Variants in EPRS1 observed in about 807,000 individuals in gnomAD.
EPRS1 encodes the protein bifunctional glutamate/proline--tRNA ligase.
EPRS1 carries 107 observed loss-of-function variants against 188.3 expected under a neutral mutation model. The observed-to-expected ratio is 0.57, with a 90% CI of 0.49 to 0.67. The LOEUF is 0.67. Ranked by LOEUF, EPRS1 falls within the 30% of genes least tolerant of loss-of-function variation. The probability of loss-of-function intolerance (pLI) is 0.00; values close to 1 mark genes in which losing one functional copy is unlikely to be tolerated. For missense variants in EPRS1, 1,577 were observed against 1,802.2 expected (o/e 0.88, Z 2.26); for synonymous variants, 596 against 593.1 (o/e 1.00, Z -0.07).
At chr1:220,040,296 A>G in intron 1 of EPRS1, 27 bp from the exon 2 acceptor site, 1 of 1,446,676 alleles carries the variant, frequency 6.9e-7, no homozygotes, top group Non-Finnish European at 9.6e-7. Flanking sequence ...AAGATTTTTT[A>G]TCTTTAAAAG....
chr1:220,024,463 T>C lies in EPRS1; in HGVS notation c.751-7A>G, dbSNP rs1367688184. ...CAACATCTTCCAAGATAACCTGTAG[T>C]AAGAAACCAAAATAACCATCAGTAT... On this transcript the variant is annotated splice_region_variant and splice_polypyrimidine_tract_variant and intron_variant, in intron 7 of 31. Coordinates refer to ENST00000366923, the MANE Select transcript of EPRS1 (RefSeq NM_004446.3). The C allele has an allele frequency of 6.3e-7, 1 of 1,584,586 alleles. No individual in the cohort carries two copies. The highest frequency in any genetic ancestry group is 8.6e-7 in the Non-Finnish European group (1 of 1,167,774).
At chr1:220,018,857 A>G (rs1438963297) in intron 11 of EPRS1, 138 bp downstream of exon 11, 4 of 545,070 alleles carry the variant, frequency 7.3e-6, no homozygotes, top group Non-Finnish European at 1.2e-5. Context: ...TTTTAAAAAA[A>G]AAAAAAAAAT....
At chr1:219,977,958 GA>G (rs1273363528) in intron 28 of EPRS1, among the ~76,000 whole-genome samples, 2 of 151,920 alleles carry the variant, frequency 1.3e-5, no homozygotes, top group Non-Finnish European at 2.9e-5. Flanking sequence ...TTCAGCATAA[GA>G]AAAAAATGTT....
rs377762162 is a variant in EPRS1, at chr1:220,015,690, T to C, written c.1494+2759A>G. On this transcript the variant is annotated intron_variant, in intron 12 of 31. Transcript: ENST00000366923. Reference sequence around the variant, plus strand: ...TTTCAGACTAAAAACACAGGTCAGATACAAGGTTTCAAAATTTTCTTCATC... The same window carrying C: ...TTTCAGACTAAAAACACAGGTCAGACACAAGGTTTCAAAATTTTCTTCATC... Among the ~76,000 whole-genome samples, 110 of 152,042 alleles carry C rather than the reference T, an allele frequency of 7.2e-4. 3 individuals are homozygous for C. In the South Asian group the frequency reaches 0.023, roughly 31 times the overall value.
At chr1:219,988,568 A>G in intron 19 of EPRS1, 22 bp downstream of exon 19, 1 of 1,516,996 alleles carries the variant, frequency 6.6e-7, no homozygotes, top group Non-Finnish European at 9.1e-7. Flanking sequence ...ACAAAAGCAT[A>G]TAAACAAAAT....
At chr1:219,999,848 T>A (rs1305956070) in intron 17 of EPRS1, among the ~76,000 whole-genome samples, 1 of 152,086 alleles carries the variant, frequency 6.6e-6, no homozygotes, top group East Asian at 1.9e-4. Flanking sequence ...TGGTGGTGCG[T>A]GACTTTAGTC....
rs549893514 is a variant in EPRS1, at chr1:219,977,587, T to C, written c.4083+959A>G. 5.6e-4 allele frequency among the ~76,000 whole-genome samples: 86 copies of C among 152,248 alleles called. No individual in the cohort carries two copies. In the South Asian group the frequency reaches 0.017, roughly 30 times the overall value. On this transcript the variant is annotated intron_variant, in intron 28 of 31. Transcript: ENST00000366923. ...ACTGCTACTGGCATCACACAATAGC[T>C]ATTTATAAGTAAGCAAAAAGGAGTG...
At chr1:219,988,458 C>T in intron 19 of EPRS1, 132 bp downstream of exon 19, 1 of 628,854 alleles carries the variant, frequency 1.6e-6, no homozygotes, top group Non-Finnish European at 2.8e-6. Flanking sequence ...CTCTAAAAGG[C>T]AAGGTAAGAG....
rs974177670 is a variant in EPRS1, at chr1:220,030,304, T to C, written c.623+82A>G. The C allele has an allele frequency of 3.5e-6, 3 of 859,150 alleles. No homozygotes were observed. The African/African-American group carries it at 5.1e-5, about 15-fold the overall frequency. The allele number at this position is 859,150 out of a possible 1,614,324, so 53.2% of individuals were successfully genotyped here. ...ATGTTCTTCTATATTATTAACCTAT[T>C]AATACTTTAAGTATTTAATCACTGT... is the stretch of plus-strand genomic sequence containing the variant. On this transcript the variant is annotated intron_variant, in intron 6 of 31. Coordinates refer to ENST00000366923, the MANE Select transcript of EPRS1 (RefSeq NM_004446.3).
rs1001396573 is a variant in EPRS1 at position 220,042,749 on chromosome 1, G to A, written c.47-2480C>T. Among the ~76,000 whole-genome samples the A allele has an allele frequency of 6.0e-5, 9 of 150,738 alleles. No individual in the cohort carries two copies. In the South Asian group the frequency reaches 6.3e-4, roughly 11 times the overall value. ...ATCCTGGACAACATGGTGAAACTCC[G>A]TCTCTACTAAAAATACAAAAAATTA... On this transcript the variant is annotated intron_variant, in intron 1 of 31. Coordinates refer to ENST00000366923, the MANE Select transcript of EPRS1 (RefSeq NM_004446.3).
At chr1:220,022,064 T>C (rs188495537) in intron 9 of EPRS1, among the ~76,000 whole-genome samples, 36 of 152,170 alleles carry the variant, frequency 2.4e-4, no homozygotes, top group Middle Eastern at 3.4e-3. Context: ...CCTAAAGATG[T>C]ACATCACAGT....
At chr1:220,027,494 A>C (rs992233943) in intron 6 of EPRS1, among the ~76,000 whole-genome samples, 11 of 147,752 alleles carry the variant, frequency 7.4e-5, no homozygotes, top group Admixed American at 1.4e-4. Context: ...CGGGAGGATG[A>C]GGCAGGAGAA....
chr1:220,025,636 A>G (rs1006784567), intron 6 of EPRS1, among the ~76,000 whole-genome samples: 1 of 152,132 alleles, frequency 6.6e-6, no homozygotes. Context: ...TGTCTTTAAT[A>G]AGACCTACTA....
rs370193383 is a variant in EPRS1 at position 219,973,003 on chromosome 1, T to C, written c.4244+235A>G. 2.0e-5 allele frequency among the ~76,000 whole-genome samples: 3 copies of C among 152,224 alleles called. 1 individual carries two copies. The East Asian group carries it at 5.8e-4, about 29-fold the overall frequency. On this transcript the variant is annotated intron_variant, in intron 29 of 31. Coordinates refer to ENST00000366923, the MANE Select transcript of EPRS1 (RefSeq NM_004446.3). The stretch of plus-strand genomic sequence containing the variant: ...AAGCCTAGATTTAAATTAACCCAAA[T>C]TAGTCCAGGGGACAGAAACTTCATT...
intron 15 of EPRS1, among the ~76,000 whole-genome samples, chr1:220,005,829 GTTTT>G (rs879818549): frequency 4.4e-5 from 2 of 45,728 alleles, no homozygotes; most frequent in African/African-American, 9.0e-5. Context: ...TTTTTTTTTT[GTTTT>G]TTTTTTTGTT....
chr1:220,035,546 T>G (rs1662161389), intron 2 of EPRS1, among the ~76,000 whole-genome samples: 1 of 152,162 alleles, frequency 6.6e-6, no homozygotes, highest in Non-Finnish European at 1.5e-5. Context: ...AAATCAAGGC[T>G]GGCCAAGTGT....
At chr1:220,040,524 A>G (rs1662271501) in intron 1 of EPRS1, among the ~76,000 whole-genome samples, 1 of 152,216 alleles carries the variant, frequency 6.6e-6, no homozygotes, top group African/African-American at 2.4e-5. Context: ...CACTGAAATT[A>G]ATCTGCTTCT....
intron 16 of EPRS1, among the ~76,000 whole-genome samples, chr1:220,004,369 A>C (rs1661418194): frequency 6.6e-6 from 1 of 152,184 alleles, no homozygotes; most frequent in Admixed American, 6.5e-5. Context: ...GAGAAATGTG[A>C]TAAAACTGTT....
intron 12 of EPRS1, among the ~76,000 whole-genome samples, chr1:220,013,867 CTA>C (rs1452446011): frequency 6.6e-6 from 1 of 152,106 alleles, no homozygotes; most frequent in Non-Finnish European, 1.5e-5. Context: ...AAAAACAATG[CTA>C]TGTTTTAAAG....
Sources: gnomAD v4.1 joint callset for allele counts (sites outside exome capture counted in the v4.1 genomes callset) on GRCh38, gnomAD v4.1.1 for gene constraint, MANE v1.5 for transcripts, NCBI Gene and HGNC (gene_info 2026-07-23, HGNC 2026-07-21) for gene names.